The following EPN1 variants were observed in gnomAD, a reference collection of about 807,000 sequenced individuals.
EPN1 encodes the protein epsin-1.
A neutral mutation model predicts 56.9 loss-of-function variants in EPN1; 25 were observed. That is an observed-to-expected ratio of 0.44 (90% confidence interval 0.32 to 0.61). The LOEUF (loss-of-function observed/expected upper bound fraction) is 0.61. EPN1 is among the 20% of genes least tolerant of loss of function. The probability of loss-of-function intolerance (pLI) is 0.05; values close to 1 mark genes in which losing one functional copy is unlikely to be tolerated. For missense variants in EPN1, 785 were observed against 823.7 expected (o/e 0.95, Z 0.58); for synonymous variants, 411 against 361.8 (o/e 1.14, Z -1.54).
Position 55,694,647 on chromosome 19 carries a change from T to G in EPN1, c.1265-79T>G. The G allele has an allele frequency of 3.4e-6, 5 of 1,464,814 alleles. No homozygotes were observed. Among genetic ancestry groups the G allele is most frequent in the Non-Finnish European group, 4.5e-6 (5 of 1,109,468 alleles). 90.7% of individuals were successfully genotyped at this position (1,464,814 alleles called of 1,614,324 possible). A position where few individuals can be genotyped will look rare whatever the true frequency, so the allele number is the denominator to read the frequency against. ...GCACCGGGCTCTTTGAAGCGCCCCC[T>G]ATGATGGCCTATACTGCTCCCGGGT... On this transcript the variant is annotated intron_variant, in intron 9 of 10. Transcript: ENST00000270460. The surrounding 1 kb of genome is among the most constrained non-coding windows in gnomAD (Gnocchi z 4.2).
intron 1 of EPN1, chr19:55,677,153 G>C: frequency 1.9e-6 from 3 of 1,551,526 alleles, no homozygotes; most frequent in South Asian, 1.2e-5. Flanking sequence ...TCCCTCTGTG[G>C]CTTCTTGGAG....
At chr19:55,677,107 C>A in intron 1 of EPN1, 1 of 1,549,858 alleles carries the variant, frequency 6.5e-7, no homozygotes, top group Non-Finnish European at 8.7e-7. Flanking sequence ...ATCCCTATCT[C>A]CCCTGGGCTT....
chr19:55,675,915 G>C (rs1326287092), intron 1 of EPN1, among the ~76,000 whole-genome samples: 1 of 152,082 alleles, frequency 6.6e-6, no homozygotes, highest in Non-Finnish European at 1.5e-5. Context: ...CTCCAATCCT[G>C]AAGTTTCTTT....
In EPN1 at chr19:55,705,344, A is replaced by G. The variant is rs1288359683; in HGVS notation, c.*9988A>G. 2.6e-5 allele frequency: 4 copies of G among 152,228 alleles called. No homozygotes were observed. The highest frequency in any genetic ancestry group is 7.2e-5 in the African/African-American group (3 of 41,456). The allele number at this position is 152,228 out of a possible 1,614,324, so 9.4% of individuals were successfully genotyped here. ...TGAAAAAAACCTCTCAGAACGATAC[A>G]GAATCCAGAGCCACTACAACACATT... On this transcript the variant is annotated 3_prime_UTR_variant, in exon 11 of 11. Transcript: ENST00000270460.
intron 1 of EPN1, among the ~76,000 whole-genome samples, chr19:55,675,930 G>C (rs1985382849): frequency 6.6e-6 from 1 of 152,120 alleles, no homozygotes; most frequent in Non-Finnish European, 1.5e-5. Context: ...TTCTTTCCAG[G>C]AGTCTGTTAA....
Position 55,708,714 on chromosome 19 carries a change from A to AT in EPN1, c.*13359dup. 1 of 427,574 alleles carries AT rather than the reference A, an allele frequency of 2.3e-6. No homozygotes were observed. Among genetic ancestry groups the AT allele is most frequent in the Middle Eastern group, 6.4e-4 (1 of 1,574 alleles). The allele number at this position is 427,574 out of a possible 1,614,324, so 26.5% of individuals were successfully genotyped here. Reference sequence around the variant, plus strand: ...GGATGGGATTTCTAAAGACAAGGGGATATAGGACCGAGGCAAAGACAATCA... The same window carrying AT: ...GGATGGGATTTCTAAAGACAAGGGGATTATAGGACCGAGGCAAAGACAATCA... On this transcript the variant is annotated 3_prime_UTR_variant, in exon 11 of 11. Transcript: ENST00000270460.
In EPN1 at chr19:55,706,277, C is replaced by CTTTTTTTTTTTTTTTTTTT; in HGVS notation, c.*10923_*10924insTTTTTTTTTTTTTTTTTTT. The CTTTTTTTTTTTTTTTTTTT allele has an allele frequency of 1.9e-3, 185 of 98,434 alleles. 1 individual carries two copies. Among genetic ancestry groups the CTTTTTTTTTTTTTTTTTTT allele is most frequent in the Non-Finnish European group, 2.6e-3 (141 of 53,336 alleles). 6.1% of individuals were successfully genotyped at this position (98,434 alleles called of 1,614,324 possible). On this transcript the variant is annotated 3_prime_UTR_variant, in exon 11 of 11. Transcript: ENST00000270460. ...TCTTTTCTTCCTTTCTTCTCTTTTT[C>CTTTTTTTTTTTTTTTTTTT]TTCTTCTTTTTTTTTTTTTTTTAAA... is the stretch of plus-strand genomic sequence containing the variant.
chr19:55,695,334 A>G lies in EPN1; in HGVS notation c.1709A>G (p.Asn570Ser), dbSNP rs752577458. The G allele has an allele frequency of 9.3e-6, 14 of 1,512,720 alleles. No homozygotes were observed. Among genetic ancestry groups the G allele is most frequent in the African/African-American group, 1.4e-5 (1 of 72,496 alleles). The allele number at this position is 1,512,720 out of a possible 1,614,324, so 93.7% of individuals were successfully genotyped here. A position where few individuals can be genotyped will look rare whatever the true frequency, so the allele number is the denominator to read the frequency against. Residue 570 changes from asparagine (N) to serine (S), a missense_variant, in exon 11 of 11, where the codon AAC becomes AGC. By Grantham distance (46) the Asn-to-Ser change is conservative. Coordinates refer to ENST00000270460, the MANE Select transcript of EPN1 (RefSeq NM_001130072.2). This position sits in a 1 kb window ranked among gnomAD's most constrained non-coding sequence, Gnocchi z 4.4. Reference sequence around the variant, plus strand: ...ATGCCCCCGGGCCCCCCGGCCCCCAACACTAATCCCTTCCTCCTATAATCC... The same window carrying G: ...ATGCCCCCGGGCCCCCCGGCCCCCAGCACTAATCCCTTCCTCCTATAATCC... Reference protein sequence around the residue: ...PMMPPGPPAPNTNPFLL With the variant: ...PMMPPGPPAPSTNPFLL
In EPN1 at chr19:55,695,676, C is replaced by T. The variant is rs1046331367; in HGVS notation, c.*320C>T. On this transcript the variant is annotated 3_prime_UTR_variant, in exon 11 of 11. Coordinates refer to ENST00000270460, the MANE Select transcript of EPN1 (RefSeq NM_001130072.2). This position sits in a 1 kb window ranked among gnomAD's most constrained non-coding sequence, Gnocchi z 4.4. ...CAGTCAGTGTTTGAGCCTCCTCGTT[C>T]CCCTCACGCACCCGCTCACGCACCC... is the stretch of plus-strand genomic sequence containing the variant. 2.6e-6 allele frequency: 1 copy of T among 378,316 alleles called. No homozygotes were observed. The highest frequency in any genetic ancestry group is 4.2e-5 in the Admixed American group (1 of 23,578). The allele number at this position is 378,316 out of a possible 1,614,324, so 23.4% of individuals were successfully genotyped here.
rs1326644972 is a variant in EPN1, at chr19:55,692,993, T to C, written c.1220T>C (p.Phe407Ser). 1 of 1,613,412 alleles carries C rather than the reference T, an allele frequency of 6.2e-7. No individual in the cohort carries two copies. The highest frequency in any genetic ancestry group is 8.5e-7 in the Non-Finnish European group (1 of 1,179,650). Residue 407 changes from phenylalanine (F) to serine (S), a missense_variant, in exon 9 of 11, where the codon TTT (phenylalanine) becomes TCT (serine). Physicochemically the swap from Phe to Ser is radical, Grantham distance 155. Around this residue, in one of 2 missense-constraint regions of EPN1, gnomAD observed 650 missense variants for 605.0 expected, o/e 1.07. Transcript: ENST00000270460. ...ACGGAGCCCGACGAGTTCTCTGACT[T>C]TGACCGACTCCGCACGGCACTGCCG... The part of the protein sequence containing the change: ...FDTEPDEFSD[F>S]DRLRTALPTS...
rs568366532 is a variant in EPN1, at chr19:55,691,916, G to A, written c.925G>A (p.Gly309Arg). ...TGTCCCTCCAGCTGCTGATCCCTGG[G>A]GAGGTCCAGCCCCCACGCCGGCCTC... is the stretch of plus-strand genomic sequence containing the variant. ...PPVPPAADPW[G>R]GPAPTPASGD... The change falls in exon 7 of 11, where the codon GGA (glycine) becomes AGA (arginine). Residue 309 changes from glycine (G) to arginine (R), a missense_variant. This residue lies in a region of EPN1 where 650 missense variants were observed against 605.0 expected (regional missense o/e 1.07). Transcript: ENST00000270460. This position sits in a 1 kb window ranked among gnomAD's most constrained non-coding sequence, Gnocchi z 5.6. 1.9e-5 allele frequency: 30 copies of A among 1,583,288 alleles called. No homozygotes were observed. In the South Asian group the frequency reaches 3.1e-4, roughly 16 times the overall value.
intron 6 of EPN1, among the ~76,000 whole-genome samples, chr19:55,690,519 C>G (rs565529766): frequency 1.3e-5 from 2 of 152,360 alleles, no homozygotes; most frequent in Non-Finnish European, 2.9e-5. Flanking sequence ...TGTTTCGTGT[C>G]ATGGCTGAGG....
At position 55,695,987 on chromosome 19, in the gene EPN1, G is replaced by C. The variant is rs1301578780; in HGVS notation, c.*631G>C. ...GTAGCCCACACAGGTCCAGGTGGTCGGGAGGCCACTCATGGCCAGACGCTT... is the reference window on the plus strand; with the variant it reads ...GTAGCCCACACAGGTCCAGGTGGTCCGGAGGCCACTCATGGCCAGACGCTT... On this transcript the variant is annotated 3_prime_UTR_variant, in exon 11 of 11. Transcript: ENST00000270460. The surrounding 1 kb of genome is among the most constrained non-coding windows in gnomAD (Gnocchi z 4.4). The C allele has an allele frequency of 6.6e-6, 1 of 152,542 alleles. No homozygotes were observed. Among genetic ancestry groups the C allele is most frequent in the East Asian group, 1.9e-4 (1 of 5,198 alleles). 9.4% of individuals were successfully genotyped at this position (152,542 alleles called of 1,614,324 possible). A position where few individuals can be genotyped will look rare whatever the true frequency, so the allele number is the denominator to read the frequency against.
intron 1 of EPN1, chr19:55,676,961 A>G: frequency 5.0e-6 from 3 of 594,178 alleles, no homozygotes; most frequent in East Asian, 2.9e-5. Context: ...CATTTGTTAC[A>G]TCATCTCTTC....
chr19:55,684,302 G>C (rs565755950), intron 2 of EPN1, among the ~76,000 whole-genome samples: 2 of 152,150 alleles, frequency 1.3e-5, no homozygotes, highest in Admixed American at 1.3e-4. Flanking sequence ...GGGTTTCTGT[G>C]GCTCTGTGAA....
intron 1 of EPN1, chr19:55,677,430 A>T: frequency 1.5e-6 from 1 of 680,080 alleles, no homozygotes; most frequent in Non-Finnish European, 2.5e-6. Context: ...CAGTCTCGGG[A>T]TGGGTTAATT....
chr19:55,699,950 TTG>T lies in EPN1; in HGVS notation c.*4595_*4596del, dbSNP rs1458234880. 9.2e-5 allele frequency: 14 copies of T among 152,092 alleles called. No individual in the cohort carries two copies. Among genetic ancestry groups the T allele is most frequent in the African/African-American group, 3.1e-4 (13 of 41,420 alleles). 9.4% of individuals were successfully genotyped at this position (152,092 alleles called of 1,614,324 possible). Reference sequence around the variant, plus strand: ...TATTTTTTTTTTTTGAGACAGAGTCTTGCTCTGTCGCCCAGGCTGGAGTGCAG... The same window carrying T: ...TATTTTTTTTTTTTGAGACAGAGTCTCTCTGTCGCCCAGGCTGGAGTGCAG... On this transcript the variant is annotated 3_prime_UTR_variant, in exon 11 of 11. Transcript: ENST00000270460.
intron 9 of EPN1, among the ~76,000 whole-genome samples, chr19:55,693,748 T>G (rs1357840634): frequency 6.6e-6 from 1 of 152,196 alleles, no homozygotes; most frequent in East Asian, 1.9e-4. Flanking sequence ...TTTCCACTGA[T>G]GAAAGGCTGG....
Position 55,695,094 on chromosome 19 carries a change from A to G in EPN1, c.1523-54A>G. The G allele has an allele frequency of 2.5e-6, 4 of 1,611,090 alleles. No homozygotes were observed. The highest frequency in any genetic ancestry group is 3.4e-6 in the Non-Finnish European group (4 of 1,178,192). Reference sequence around the variant, plus strand: ...TTGCCTGCACATGCTGGATGGACACAGGTGGGCTGCGCCACTGACTCCACT... The same window carrying G: ...TTGCCTGCACATGCTGGATGGACACGGGTGGGCTGCGCCACTGACTCCACT... On this transcript the variant is annotated intron_variant, in intron 10 of 10. Transcript: ENST00000270460. This position sits in a 1 kb window ranked among gnomAD's most constrained non-coding sequence, Gnocchi z 4.4.
Sources: allele counts gnomAD v4.1 joint callset (sites outside exome capture counted in the v4.1 genomes callset), GRCh38; gene constraint gnomAD v4.1.1; regional missense constraint gnomAD v4.1.1; non-coding constraint Gnocchi (gnomAD v3.1); transcripts MANE v1.5; gene names NCBI Gene and HGNC (gene_info 2026-07-23, HGNC 2026-07-21).